Variants in HS6ST3 observed in about 807,000 individuals in gnomAD.
HS6ST3 encodes heparan-sulfate 6-O-sulfotransferase 3.
In HS6ST3, 12 loss-of-function variants were observed where a neutral mutation model predicts 36.7. That is an observed-to-expected ratio of 0.33 (90% CI 0.21 to 0.53). HS6ST3 has a LOEUF of 0.53. Ranked by LOEUF, HS6ST3 falls within the 20% of genes least tolerant of loss-of-function variation. The pLI, the probability that HS6ST3 is intolerant of heterozygous loss-of-function variation, is 0.95. For missense variants in HS6ST3, 584 were observed against 640.9 expected, an observed-to-expected ratio of 0.91 and a Z score of 0.96; for synonymous variants, 240 against 257.5, an observed-to-expected ratio of 0.93 and a Z score of 0.65.
Position 96,833,075 on chromosome 13 carries a change from C to G in HS6ST3, c.1293C>G (p.Arg431=), listed in dbSNP as rs756354506. 6.2e-7 allele frequency: 1 copy of G among 1,612,078 alleles called. No individual in the cohort carries two copies. Among genetic ancestry groups the G allele is most frequent in the Admixed American group, 1.7e-5 (1 of 60,010 alleles). The change falls in exon 2 of 2, where the codon CGC becomes CGG. Residue 431 remains arginine (R), a synonymous_variant. Coordinates refer to ENST00000376705, the MANE Select transcript of HS6ST3 (RefSeq NM_153456.4). ...HTKQLEHQRD[R]QKRREERRLQ... is the part of the protein sequence containing the mutation. Reference sequence around the variant, plus strand: ...AGCAGCTAGAGCACCAGAGGGACCGCCAGAAGCGGCGGGAGGAGCGGAGGC... The same window carrying G: ...AGCAGCTAGAGCACCAGAGGGACCGGCAGAAGCGGCGGGAGGAGCGGAGGC...
At chr13:96,765,361 C>G (rs549745740) in intron 1 of HS6ST3, among the ~76,000 whole-genome samples, 1 of 152,094 alleles carries the variant, frequency 6.6e-6, no homozygotes, top group African/African-American at 2.4e-5. Flanking sequence ...CGTGAACCAC[C>G]GCACCCGGCC....
chr13:96,456,250 A>G (rs1419050885), intron 1 of HS6ST3, among the ~76,000 whole-genome samples: 2 of 152,206 alleles, frequency 1.3e-5, no homozygotes, highest in Non-Finnish European at 2.9e-5. Context: ...AGAAAACTAG[A>G]TTGATCTAGC....
At chr13:96,215,968 A>G (rs1296011347) in intron 1 of HS6ST3, among the ~76,000 whole-genome samples, 1 of 152,198 alleles carries the variant, frequency 6.6e-6, no homozygotes, top group East Asian at 1.9e-4. Flanking sequence ...TATGGGAGGT[A>G]ATAATGCATA....
At chr13:96,811,410 T>C (rs1177413729) in intron 1 of HS6ST3, among the ~76,000 whole-genome samples, 1 of 152,212 alleles carries the variant, frequency 6.6e-6, no homozygotes, top group East Asian at 1.9e-4. Context: ...AAAGAATCTT[T>C]GGAGAATGTT....
intron 1 of HS6ST3, among the ~76,000 whole-genome samples, chr13:96,135,310 A>T (rs1367549080): frequency 6.6e-6 from 1 of 152,172 alleles, no homozygotes. Flanking sequence ...TAAAGAAAAT[A>T]CAAACTTGGA....
chr13:96,668,167 C>T (rs755431828), intron 1 of HS6ST3, among the ~76,000 whole-genome samples: 5 of 151,962 alleles, frequency 3.3e-5, no homozygotes, highest in East Asian at 1.9e-4. Context: ...CTCTCACACA[C>T]GCATACACAC....
intron 1 of HS6ST3, among the ~76,000 whole-genome samples, chr13:96,674,731 T>C (rs537855465): frequency 6.6e-6 from 1 of 152,276 alleles, no homozygotes; most frequent in Admixed American, 6.5e-5. Flanking sequence ...CTGAGCCTTT[T>C]TGTGATTCTG....
intron 1 of HS6ST3, among the ~76,000 whole-genome samples, chr13:96,340,758 A>G (rs527315320): frequency 6.6e-6 from 1 of 152,252 alleles, no homozygotes; most frequent in Non-Finnish European, 1.5e-5. Flanking sequence ...AGGGCTTAAC[A>G]TACTATTCTA....
At chr13:96,118,463 G>C (rs1036261765) in intron 1 of HS6ST3, among the ~76,000 whole-genome samples, 2 of 151,726 alleles carry the variant, frequency 1.3e-5, no homozygotes, top group African/African-American at 2.4e-5. Flanking sequence ...CAAGTTTGTA[G>C]TGCTTTGTAA....
chr13:96,487,218 C>A (rs945621190), intron 1 of HS6ST3, among the ~76,000 whole-genome samples: 1 of 151,498 alleles, frequency 6.6e-6, no homozygotes, highest in African/African-American at 2.4e-5. Flanking sequence ...AAGGAAAATG[C>A]GATGATTATA....
At chr13:96,671,857 A>G (rs1376810232) in intron 1 of HS6ST3, among the ~76,000 whole-genome samples, 1 of 152,178 alleles carries the variant, frequency 6.6e-6, no homozygotes, top group East Asian at 1.9e-4. Context: ...TTGGAAGGGC[A>G]TGATTCAGTT....
chr13:96,213,527 ATTTT>A (rs375188560), intron 1 of HS6ST3, among the ~76,000 whole-genome samples: 1 of 145,260 alleles, frequency 6.9e-6, no homozygotes. Flanking sequence ...GTGTAGGACA[ATTTT>A]TTTTTTTTTT....
intron 1 of HS6ST3, among the ~76,000 whole-genome samples, chr13:96,395,834 G>A (rs2055418294): frequency 6.6e-6 from 1 of 152,100 alleles, no homozygotes; most frequent in African/African-American, 2.4e-5. Flanking sequence ...AGTGGTATAG[G>A]GGATACAAGG....
At chr13:96,307,264 C>G (rs1355264421) in intron 1 of HS6ST3, among the ~76,000 whole-genome samples, 1 of 152,068 alleles carries the variant, frequency 6.6e-6, no homozygotes, top group African/African-American at 2.4e-5. Context: ...CATTCATAAT[C>G]TTAGGCAATT....
At chr13:96,188,492 A>G (rs1287394005) in intron 1 of HS6ST3, among the ~76,000 whole-genome samples, 1 of 152,156 alleles carries the variant, frequency 6.6e-6, no homozygotes, top group Non-Finnish European at 1.5e-5. Flanking sequence ...TAAACTTTCT[A>G]GAAAAGTAAG....
intron 1 of HS6ST3, among the ~76,000 whole-genome samples, chr13:96,368,960 C>G (rs772723283): frequency 1.1e-4 from 16 of 151,312 alleles, no homozygotes; most frequent in Non-Finnish European, 2.2e-4. Flanking sequence ...AAACATTTAT[C>G]TTACTATCAC....
chr13:96,522,799 GT>G (rs1276216716), intron 1 of HS6ST3, among the ~76,000 whole-genome samples: 1 of 152,030 alleles, frequency 6.6e-6, no homozygotes, highest in Non-Finnish European at 1.5e-5. Flanking sequence ...ACACCAATGG[GT>G]CTTGACTCTT....
At chr13:96,576,441 A>G (rs1196153859) in intron 1 of HS6ST3, among the ~76,000 whole-genome samples, 2 of 152,162 alleles carry the variant, frequency 1.3e-5, no homozygotes, top group Non-Finnish European at 2.9e-5. Context: ...TCAGCTCTGG[A>G]CTAAGCCACC....
intron 1 of HS6ST3, among the ~76,000 whole-genome samples, chr13:96,106,895 G>A (rs1159981147): frequency 6.6e-6 from 1 of 152,224 alleles, no homozygotes; most frequent in Non-Finnish European, 1.5e-5. Context: ...TTGTCTGGCA[G>A]TATTGAGTTC....
Sources: allele counts gnomAD v4.1 joint callset (sites outside exome capture counted in the v4.1 genomes callset), GRCh38; gene constraint gnomAD v4.1.1; transcripts MANE v1.5; gene names NCBI Gene and HGNC (gene_info 2026-07-23, HGNC 2026-07-21).